UBE2H: variants seen among roughly 807,000 people sequenced by gnomAD.
The protein encoded by UBE2H is ubiquitin-conjugating enzyme E2 H.
In UBE2H, 3 loss-of-function variants were observed where a neutral mutation model predicts 29.0. That is an observed-to-expected ratio of 0.10 (90% CI 0.05 to 0.27). The LOEUF (loss-of-function observed/expected upper bound fraction) is 0.27. Among genes scored for constraint, UBE2H ranks in the 10% least tolerant of loss-of-function variants. UBE2H has a pLI of 1.00. For missense variants in UBE2H, 68 were observed against 228.2 expected (o/e 0.30, Z 4.52); for synonymous variants, 69 against 82.9 (o/e 0.83, Z 0.91).
At chr7:129,875,999 T>C (rs1386193831) in intron 3 of UBE2H, among the ~76,000 whole-genome samples, 2 of 152,214 alleles carry the variant, frequency 1.3e-5, no homozygotes, top group South Asian at 2.1e-4. Context: ...TAGAAACTTA[T>C]GTCTTCCTTA....
At position 129,934,332 on chromosome 7, in the gene UBE2H, A is replaced by C. The variant is rs542933758; in HGVS notation, c.53+18171T>G. Among the ~76,000 whole-genome samples the C allele has an allele frequency of 6.6e-5, 10 of 151,450 alleles. No individual in the cohort carries two copies. The South Asian group carries it at 2.1e-3, about 32-fold the overall frequency. ...GACCGACCTTGCTTTAAAAACAAAA[A>C]AGAACAACAAAAACATGAGCTGAGG... is the stretch of plus-strand genomic sequence containing the variant. On this transcript the variant is annotated intron_variant, in intron 1 of 6. Coordinates refer to ENST00000355621, the MANE Select transcript of UBE2H (RefSeq NM_003344.4).
At chr7:129,879,516 TCC>T (rs577896311) in intron 3 of UBE2H, 50 bp downstream of exon 3, 3 of 1,517,750 alleles carry the variant, frequency 2.0e-6, no homozygotes, top group Admixed American at 1.8e-5. Flanking sequence ...GTAAGATTTT[TCC>T]CCCTTAGATT....
At chr7:129,931,976 ACC>A (rs1807412080) in intron 1 of UBE2H, among the ~76,000 whole-genome samples, 1 of 151,554 alleles carries the variant, frequency 6.6e-6, no homozygotes, top group East Asian at 1.9e-4. Flanking sequence ...AGCGCCCGCC[ACC>A]ACACCCAGCT....
intron 1 of UBE2H, among the ~76,000 whole-genome samples, chr7:129,910,438 A>G (rs1476244778): frequency 6.6e-6 from 1 of 152,208 alleles, no homozygotes; most frequent in Non-Finnish European, 1.5e-5. Context: ...CATACAGCAC[A>G]GCATTGTATC....
chr7:129,947,761 C>G (rs1450632994), intron 1 of UBE2H, among the ~76,000 whole-genome samples: 3 of 152,002 alleles, frequency 2.0e-5, no homozygotes, highest in Non-Finnish European at 4.4e-5. Flanking sequence ...AAAGTTTTAA[C>G]TAATTGCATA....
At chr7:129,890,482 C>A (rs1355492983) in intron 1 of UBE2H, among the ~76,000 whole-genome samples, 2 of 151,914 alleles carry the variant, frequency 1.3e-5, no homozygotes, top group African/African-American at 4.8e-5. Flanking sequence ...CAGGTTGAAG[C>A]GATTCTCCTG....
At chr7:129,846,564 C>T (rs932243946) in intron 5 of UBE2H, among the ~76,000 whole-genome samples, 6 of 16,404 alleles carry the variant, frequency 3.7e-4, no homozygotes, top group Admixed American at 3.4e-3. Flanking sequence ...TCTCTACCAC[C>T]CCCCACTCAA....
Position 129,861,222 on chromosome 7 carries a change from T to TA in UBE2H, c.206-2282dup, listed in dbSNP as rs539177122. 7.8e-3 allele frequency among the ~76,000 whole-genome samples: 1,114 copies of TA among 142,734 alleles called. 2 individuals carry two copies. The highest frequency in any genetic ancestry group is 0.014 in the African/African-American group (534 of 39,010). The allele number at this position is 142,734 out of a possible 152,430, so 93.6% of individuals were successfully genotyped here. A position where few individuals can be genotyped will look rare whatever the true frequency, so the allele number is the denominator to read the frequency against. On this transcript the variant is annotated intron_variant, in intron 3 of 6. Coordinates refer to ENST00000355621, the MANE Select transcript of UBE2H (RefSeq NM_003344.4). ...CTGGGTGACGGAGTGAGACTGTCTT[T>TA]AAAAAAAAAAAAAGACTTTAACACT...
In UBE2H at chr7:129,952,004, G is replaced by A. The variant is rs543040679; in HGVS notation, c.53+499C>T. ...GAGACTCTCTTCCTAATATAGAAAGGAATTAGGGATAAAAGAGGTCGCTTG... is the reference window on the plus strand; with the variant it reads ...GAGACTCTCTTCCTAATATAGAAAGAAATTAGGGATAAAAGAGGTCGCTTG... On this transcript the variant is annotated intron_variant, in intron 1 of 6. Transcript: ENST00000355621. 2.0e-5 allele frequency among the ~76,000 whole-genome samples: 3 copies of A among 152,276 alleles called. No individual in the cohort carries two copies. The South Asian group carries it at 6.2e-4, about 32-fold the overall frequency.
chr7:129,926,414 C>A (rs528017158), intron 1 of UBE2H, among the ~76,000 whole-genome samples: 2 of 151,558 alleles, frequency 1.3e-5, no homozygotes, highest in South Asian at 4.2e-4. Flanking sequence ...GAGGCTGAGG[C>A]AGGAGAATCG....
Position 129,834,787 on chromosome 7 carries a change from G to C in UBE2H, c.*150C>G. 6.9e-6 allele frequency: 6 copies of C among 870,652 alleles called. No individual in the cohort carries two copies. Among genetic ancestry groups the C allele is most frequent in the Non-Finnish European group, 8.3e-6 (5 of 602,544 alleles). 53.9% of individuals were successfully genotyped at this position (870,652 alleles called of 1,614,324 possible). On this transcript the variant is annotated 3_prime_UTR_variant, in exon 7 of 7. Coordinates refer to ENST00000355621, the MANE Select transcript of UBE2H (RefSeq NM_003344.4). Reference sequence around the variant, plus strand: ...ATGACCAAGAAATCAAGATCTAAAGGGTGATATATAATATATATATATCAA... The same window carrying C: ...ATGACCAAGAAATCAAGATCTAAAGCGTGATATATAATATATATATATCAA...
chr7:129,905,830 C>T (rs1472518219), intron 1 of UBE2H, among the ~76,000 whole-genome samples: 1 of 152,150 alleles, frequency 6.6e-6, no homozygotes, highest in Non-Finnish European at 1.5e-5. Context: ...CAGCGGCTCA[C>T]GCCTGCAGTC....
intron 5 of UBE2H, among the ~76,000 whole-genome samples, chr7:129,847,042 CGGAGTCTCGCTCTATCTCCCCAGGCT>C (rs1401546288): frequency 4.4e-4 from 66 of 150,608 alleles, no homozygotes; most frequent in African/African-American, 6.9e-4. Context: ...TTTTTTGAGA[CGGAGTCTCGCTCTATCTCCCCAGGCT>C]GGAGTCTCGC....
rs1342658884 is a variant in UBE2H, at chr7:129,850,544, G to A, written c.298+6967C>T. 3.3e-5 allele frequency among the ~76,000 whole-genome samples: 5 copies of A among 152,308 alleles called. No homozygotes were observed. In the South Asian group the frequency reaches 6.2e-4, roughly 19 times the overall value. On this transcript the variant is annotated intron_variant, in intron 5 of 6. Coordinates refer to ENST00000355621, the MANE Select transcript of UBE2H (RefSeq NM_003344.4). ...GAAAGATGCAGGGCGCTGGCCTGGCGTGGTGGCACACGCCTGTAATCCCAG... is the reference window on the plus strand; with the variant it reads ...GAAAGATGCAGGGCGCTGGCCTGGCATGGTGGCACACGCCTGTAATCCCAG...
At chr7:129,856,427 C>CA (rs1172812559) in intron 5 of UBE2H, among the ~76,000 whole-genome samples, 1 of 152,114 alleles carries the variant, frequency 6.6e-6, no homozygotes, top group Non-Finnish European at 1.5e-5. Flanking sequence ...ATCAGACACA[C>CA]ACCCGATAGC....
chr7:129,880,125 G>A (rs1806224631), intron 2 of UBE2H, among the ~76,000 whole-genome samples: 1 of 151,768 alleles, frequency 6.6e-6, no homozygotes, highest in Non-Finnish European at 1.5e-5. Context: ...CCACACCCCT[G>A]GATTCAACCA....
intron 5 of UBE2H, among the ~76,000 whole-genome samples, chr7:129,853,851 C>A (rs540868038): frequency 6.6e-6 from 1 of 152,184 alleles, no homozygotes; most frequent in South Asian, 2.1e-4. Flanking sequence ...ATTGTTGTTA[C>A]GCTACAAATA....
intron 3 of UBE2H, among the ~76,000 whole-genome samples, chr7:129,868,507 G>T (rs1351939574): frequency 6.8e-6 from 1 of 147,884 alleles, no homozygotes; most frequent in Non-Finnish European, 1.5e-5. Flanking sequence ...GTGAACCCGG[G>T]AAGCGGAGCT....
At chr7:129,848,461 G>A (rs754034600) in intron 5 of UBE2H, among the ~76,000 whole-genome samples, 46 of 152,126 alleles carry the variant, frequency 3.0e-4, no homozygotes, top group Non-Finnish European at 5.6e-4. Context: ...GACAGGAAAG[G>A]AAAGAAAAAT....
Sources: allele counts gnomAD v4.1 joint callset (sites outside exome capture counted in the v4.1 genomes callset), GRCh38; gene constraint gnomAD v4.1.1; transcripts MANE v1.5; gene names NCBI Gene and HGNC (gene_info 2026-07-23, HGNC 2026-07-21).